The following EML5 variants were observed in gnomAD, a reference collection of about 807,000 sequenced individuals.
The protein encoded by EML5 is echinoderm microtubule-associated protein-like 5.
EML5 carries 120 observed loss-of-function variants against 250.0 expected under a neutral mutation model. That is an observed-to-expected ratio of 0.48 (90% CI 0.41 to 0.56). EML5 has a LOEUF of 0.56. Among genes scored for constraint, EML5 ranks in the 20% least tolerant of loss-of-function variants. The pLI, the probability that EML5 is intolerant of heterozygous loss-of-function variation, is 0.00. For synonymous variants in EML5, 771 were observed against 806.5 expected, an observed-to-expected ratio of 0.96 and a Z score of 0.75; for missense variants, 2,006 against 2,437.6, an observed-to-expected ratio of 0.82 and a Z score of 3.73.
At position 88,657,389 on chromosome 14, in the gene EML5, AG is replaced by A. The variant is rs1229259878; in HGVS notation, c.3990del (p.Ser1331GlnfsTer8). ...GIKPHLQQKE[P>X]SIDERQGVVR... Reference sequence around the variant, plus strand: ...CTAAATTATTACCTTTCATCAATTGAGGGTTCTTTTTGTTGTAAATGAGGCT... The same window carrying A: ...CTAAATTATTACCTTTCATCAATTGAGGTTCTTTTTGTTGTAAATGAGGCT... On this transcript the variant is annotated frameshift_variant, in exon 27 of 44. Transcript: ENST00000554922. LOFTEE classifies it high-confidence loss of function. 6.3e-7 allele frequency: 1 copy of A among 1,576,258 alleles called. No homozygotes were observed. Among genetic ancestry groups the A allele is most frequent in the Non-Finnish European group, 8.6e-7 (1 of 1,158,676 alleles).
intron 1 of EML5, among the ~76,000 whole-genome samples, chr14:88,767,030 A>C (rs1168308604): frequency 6.6e-6 from 1 of 152,208 alleles, no homozygotes; most frequent in East Asian, 1.9e-4. Context: ...TTGAGATTTT[A>C]GTAATTTTTA....
At chr14:88,776,582 T>C (rs763518357) in intron 1 of EML5, among the ~76,000 whole-genome samples, 1 of 151,042 alleles carries the variant, frequency 6.6e-6, no homozygotes, top group African/African-American at 2.4e-5. Flanking sequence ...AAAGAAAAAA[T>C]AAAAAACAAT....
intron 32 of EML5, among the ~76,000 whole-genome samples, chr14:88,637,556 T>C (rs960663055): frequency 1.3e-5 from 2 of 152,180 alleles, no homozygotes; most frequent in African/African-American, 4.8e-5. Flanking sequence ...TTGCAGAACG[T>C]AAATCCCATT....
chr14:88,740,357 A>G (rs757632333), intron 5 of EML5, 30 bp downstream of exon 5: 47 of 1,560,186 alleles, frequency 3.0e-5, no homozygotes, highest in East Asian at 4.5e-5. Context: ...AATACACATG[A>G]AAGTGTTTAA....
chr14:88,716,698 C>T (rs1329616361), intron 8 of EML5, among the ~76,000 whole-genome samples: 1 of 151,024 alleles, frequency 6.6e-6, no homozygotes, highest in African/African-American at 2.4e-5. Flanking sequence ...CGTCTTATGT[C>T]CAAGGTTTTC....
chr14:88,732,533 T>C (rs893799446), intron 7 of EML5, among the ~76,000 whole-genome samples: 9 of 152,238 alleles, frequency 5.9e-5, no homozygotes, highest in African/African-American at 2.2e-4. Flanking sequence ...GGCTTAGGAT[T>C]GTCTTGGCAA....
At chr14:88,730,696 T>G (rs1385913122) in intron 7 of EML5, among the ~76,000 whole-genome samples, 2 of 152,214 alleles carry the variant, frequency 1.3e-5, no homozygotes, top group Non-Finnish European at 2.9e-5. Flanking sequence ...AGAATTTGCT[T>G]TTATGAATAG....
chr14:88,697,058 C>G lies in EML5; in HGVS notation c.2239-106G>C, dbSNP rs1188751879. 5.6e-6 allele frequency: 4 copies of G among 710,216 alleles called. No homozygotes were observed. In the Admixed American group the frequency reaches 1.5e-4, roughly 26 times the overall value. The allele number at this position is 710,216 out of a possible 1,614,324, so 44.0% of individuals were successfully genotyped here. Reference sequence around the variant, plus strand: ...TTTTTACAGCTTGACTTATTTACCACAGAAATTTATTAAATAAAAATTTAA... The same window carrying G: ...TTTTTACAGCTTGACTTATTTACCAGAGAAATTTATTAAATAAAAATTTAA... On this transcript the variant is annotated intron_variant, in intron 14 of 43. Transcript: ENST00000554922.
rs1020639604 is a variant in EML5, at chr14:88,613,583, T to C, written c.*2235A>G. 1.3e-5 allele frequency: 2 copies of C among 152,106 alleles called. No homozygotes were observed. Among genetic ancestry groups the C allele is most frequent in the African/African-American group, 4.8e-5 (2 of 41,406 alleles). The allele number at this position is 152,106 out of a possible 1,614,324, so 9.4% of individuals were successfully genotyped here. A position where few individuals can be genotyped will look rare whatever the true frequency, so the allele number is the denominator to read the frequency against. On this transcript the variant is annotated 3_prime_UTR_variant, in exon 44 of 44. Coordinates refer to ENST00000554922, the MANE Select transcript of EML5 (RefSeq NM_183387.3). ...TTAATCTTTCAGTTGCTATGGCTTA[T>C]GAACAAGCTAAGGTTGACCATAAAA... is the stretch of plus-strand genomic sequence containing the variant.
At position 88,740,474 on chromosome 14, in the gene EML5, A is replaced by T. The variant is rs2093908785; in HGVS notation, c.624T>A (p.Asp208Glu). The T allele has an allele frequency of 6.2e-7, 1 of 1,613,924 alleles. No homozygotes were observed. The highest frequency in any genetic ancestry group is 8.5e-7 in the Non-Finnish European group (1 of 1,179,850). ...TGAGTGCACCAGAATATGTTAATTC[A>T]TCCCTTGCACAGGCTAGGCACAGTA... Reference protein sequence around the residue: ...QTILCLACARDELTYSGALNG... With the variant: ...QTILCLACAREELTYSGALNG... Residue 208 changes from aspartate (D) to glutamate (E), a missense_variant, in exon 5 of 44, where the codon GAT (aspartate) becomes GAA (glutamate). By Grantham distance (45) the Asp-to-Glu change is conservative. This residue lies in a region of EML5 where 1,375 missense variants were observed against 1,590.3 expected (regional missense o/e 0.86). Coordinates refer to ENST00000554922, the MANE Select transcript of EML5 (RefSeq NM_183387.3).
At chr14:88,672,643 C>T (rs768330636) in intron 21 of EML5, among the ~76,000 whole-genome samples, 25 of 150,522 alleles carry the variant, frequency 1.7e-4, no homozygotes, top group Non-Finnish European at 3.3e-4. Flanking sequence ...TAAAATAGAT[C>T]ATTAGCTAGA....
chr14:88,725,415 T>A (rs757478513), intron 8 of EML5, among the ~76,000 whole-genome samples: 1 of 152,148 alleles, frequency 6.6e-6, no homozygotes, highest in Non-Finnish European at 1.5e-5. Flanking sequence ...ACATAATGTA[T>A]CTGTTCATAA....
chr14:88,678,241 G>A (rs930977913), intron 21 of EML5, among the ~76,000 whole-genome samples: 10 of 152,106 alleles, frequency 6.6e-5, no homozygotes, highest in African/African-American at 2.4e-4. Flanking sequence ...GCTGAACAAT[G>A]AGAACTAAGG....
At chr14:88,787,151 C>T (rs1175071554) in intron 1 of EML5, among the ~76,000 whole-genome samples, 4 of 152,226 alleles carry the variant, frequency 2.6e-5, no homozygotes, top group Admixed American at 2.6e-4. Flanking sequence ...CTTCTGATGA[C>T]CCTTCTCCCT....
intron 11 of EML5, 125 bp downstream of exon 11, chr14:88,706,134 C>T: frequency 1.1e-6 from 1 of 883,080 alleles, no homozygotes; most frequent in Non-Finnish European, 1.7e-6. Flanking sequence ...CTTGAAATTT[C>T]TACTAATAAC....
At chr14:88,616,928 T>C (rs779193637) in intron 41 of EML5, 49 bp from the exon 42 acceptor site, 2 of 1,572,128 alleles carry the variant, frequency 1.3e-6, no homozygotes, top group Non-Finnish European at 1.7e-6. Flanking sequence ...TGCGGGCAGG[T>C]TGACTATATT....
chr14:88,688,411 A>C lies in EML5; in HGVS notation c.2602T>G (p.Cys868Gly). ...GTLGKNDTMM[C>G]AVYGWTEEMA... ...TCTTCAGTCCATCCATACACTGCACACATCATTGTGTCATTTTTCCCCAGT... is the reference window on the plus strand; with the variant it reads ...TCTTCAGTCCATCCATACACTGCACCCATCATTGTGTCATTTTTCCCCAGT... Residue 868 changes from cysteine (C) to glycine (G), a missense_variant, in exon 18 of 44, where the codon TGT becomes GGT. Transcript: ENST00000554922. 6.2e-7 allele frequency: 1 copy of C among 1,613,984 alleles called. No individual in the cohort carries two copies. The highest frequency in any genetic ancestry group is 8.5e-7 in the Non-Finnish European group (1 of 1,179,876).
At position 88,655,195 on chromosome 14, in the gene EML5, G is replaced by T. The variant is rs898472555; in HGVS notation, c.4004+2181C>A. Among the ~76,000 whole-genome samples, 12 of 152,254 alleles carry T rather than the reference G, an allele frequency of 7.9e-5. No individual in the cohort carries two copies. In the South Asian group the frequency reaches 1.5e-3, roughly 18 times the overall value. ...GACAATCCTAAGTAAAAAGAACAAA[G>T]CTGGAGGCATCATGCTAGCTGACTT... On this transcript the variant is annotated intron_variant, in intron 27 of 43. Transcript: ENST00000554922.
At position 88,739,034 on chromosome 14, in the gene EML5, A is replaced by G. The variant is rs975517703; in HGVS notation, c.712-20T>C. 23 of 1,576,722 alleles carry G rather than the reference A, an allele frequency of 1.5e-5. No individual in the cohort carries two copies. The Admixed American group carries it at 3.3e-4, about 23-fold the overall frequency. ...TCCTGCCTAGAAGAGGAAATAAAAT[A>G]ATTTAACGACAAATATTTTTTAAGA... On this transcript the variant is annotated intron_variant, in intron 5 of 43. Coordinates refer to ENST00000554922, the MANE Select transcript of EML5 (RefSeq NM_183387.3).
Sources: allele counts gnomAD v4.1 joint callset (sites outside exome capture counted in the v4.1 genomes callset), GRCh38; gene constraint gnomAD v4.1.1; regional missense constraint gnomAD v4.1.1; transcripts MANE v1.5; gene names NCBI Gene and HGNC (gene_info 2026-07-23, HGNC 2026-07-21).